The following MALRD1 variants were observed in gnomAD, a reference collection of about 807,000 sequenced individuals.
MALRD1 encodes the protein MAM and LDL receptor class A domain containing 1.
MALRD1 carries 247 observed loss-of-function variants against 242.1 expected under a neutral mutation model. The observed-to-expected ratio is 1.02, with a 90% CI of 0.92 to 1.13. The LOEUF (loss-of-function observed/expected upper bound fraction) is 1.13. MALRD1 is among the 50% of genes most tolerant of loss of function. MALRD1 has a pLI of 0.00. For synonymous variants in MALRD1, 995 were observed against 866.6 expected (o/e 1.15, Z -2.60); for missense variants, 2,989 against 2,533.1 (o/e 1.18, Z -3.86).
intron 38 of MALRD1, among the ~76,000 whole-genome samples, chr10:19,717,476 T>C (rs941107768): frequency 6.6e-6 from 1 of 152,178 alleles, no homozygotes; most frequent in African/African-American, 2.4e-5. Flanking sequence ...CCAGCAGTTT[T>C]CCCCTCCATA....
At chr10:19,631,179 G>C (rs1839881425) in intron 36 of MALRD1, among the ~76,000 whole-genome samples, 1 of 152,038 alleles carries the variant, frequency 6.6e-6, no homozygotes, top group Non-Finnish European at 1.5e-5. Flanking sequence ...AGTGTCTGTT[G>C]TTCCCCTCTA....
intron 19 of MALRD1, among the ~76,000 whole-genome samples, chr10:19,278,443 GTCCATCCATCCA>G (rs150208541): frequency 1.2e-4 from 18 of 149,170 alleles, no homozygotes; most frequent in Admixed American, 2.7e-4. Context: ...TCATTCATCT[GTCCATCCATCCA>G]TCCATCCATC....
In MALRD1 at chr10:19,582,048, T is replaced by C. The variant is rs372248066; in HGVS notation, c.5681-13146T>C. ...TTGAGAAGTGTCTGTTCATGTCCTT[T>C]GCCCACTTTTTGATGGGGTTGTTTG... On this transcript the variant is annotated intron_variant, in intron 33 of 39. Coordinates refer to ENST00000454679, the MANE Select transcript of MALRD1 (RefSeq NM_001142308.3). 3.4e-3 allele frequency among the ~76,000 whole-genome samples: 511 copies of C among 152,326 alleles called. 9 individuals are homozygous for C. In the East Asian group the frequency reaches 0.035, roughly 10 times the overall value.
At chr10:19,438,600 C>T (rs148423096) in intron 28 of MALRD1, among the ~76,000 whole-genome samples, 18 of 152,266 alleles carry the variant, frequency 1.2e-4, no homozygotes, top group Admixed American at 1.0e-3. Flanking sequence ...AGTGACTGTA[C>T]CATTCTACAT....
At chr10:19,724,444 C>G (rs541948072) in intron 38 of MALRD1, among the ~76,000 whole-genome samples, 12 of 152,316 alleles carry the variant, frequency 7.9e-5, no homozygotes, top group African/African-American at 2.9e-4. Flanking sequence ...GGACAGGCCT[C>G]TCAGCAGGAA....
intron 31 of MALRD1, among the ~76,000 whole-genome samples, chr10:19,529,015 T>G (rs1348510653): frequency 6.6e-6 from 1 of 152,116 alleles, no homozygotes; most frequent in Non-Finnish European, 1.5e-5. Flanking sequence ...GTTTGAGAGA[T>G]AACAGTGTCA....
chr10:19,136,467 T>A, intron 9 of MALRD1, 107 bp from the exon 10 acceptor site: 1 of 594,922 alleles, frequency 1.7e-6, no homozygotes, highest in Non-Finnish European at 2.5e-6. Context: ...CCTTGGTTGC[T>A]TTAAACACTT....
intron 31 of MALRD1, 110 bp downstream of exon 31, chr10:19,498,756 C>A: frequency 1.6e-6 from 2 of 1,274,654 alleles, no homozygotes; most frequent in Non-Finnish European, 2.1e-6. Flanking sequence ...GGGGACAGAG[C>A]TCAGTAGGTT....
chr10:19,286,924 A>G (rs1841154896), intron 21 of MALRD1, among the ~76,000 whole-genome samples: 1 of 150,954 alleles, frequency 6.6e-6, no homozygotes, highest in Non-Finnish European at 1.5e-5. Context: ...ATCCTCAATA[A>G]AATACTGGCA....
chr10:19,712,370 G>A (rs1307878533), intron 38 of MALRD1, among the ~76,000 whole-genome samples: 2 of 152,118 alleles, frequency 1.3e-5, no homozygotes, highest in African/African-American at 2.4e-5. Context: ...TTTTTGCAAT[G>A]TTTCCATTGT....
chr10:19,649,925 G>A (rs2131702324), intron 36 of MALRD1, among the ~76,000 whole-genome samples: 1 of 152,214 alleles, frequency 6.6e-6, no homozygotes, highest in East Asian at 1.9e-4. Flanking sequence ...AAGGTTTCCA[G>A]CTTCAATCTT....
At chr10:19,164,688 G>C (rs916810772) in intron 12 of MALRD1, among the ~76,000 whole-genome samples, 3 of 152,102 alleles carry the variant, frequency 2.0e-5, no homozygotes, top group African/African-American at 7.2e-5. Flanking sequence ...GCCTCATACA[G>C]CTCCAGGTAC....
chr10:19,281,143 A>G (rs1588842853), intron 20 of MALRD1, among the ~76,000 whole-genome samples: 1 of 152,238 alleles, frequency 6.6e-6, no homozygotes, highest in Non-Finnish European at 1.5e-5. Flanking sequence ...TATCTAATCT[A>G]GACTAAAAAA....
At chr10:19,304,015 T>C (rs528205845) in intron 21 of MALRD1, among the ~76,000 whole-genome samples, 2 of 151,838 alleles carry the variant, frequency 1.3e-5, no homozygotes, top group Non-Finnish European at 3.0e-5. Flanking sequence ...TAAGGGATAC[T>C]GGGGTAGCTG....
intron 31 of MALRD1, among the ~76,000 whole-genome samples, chr10:19,518,423 A>G (rs898999405): frequency 6.6e-6 from 1 of 152,112 alleles, no homozygotes; most frequent in Non-Finnish European, 1.5e-5. Flanking sequence ...TCTTAATTTT[A>G]TATTTTCTTT....
intron 18 of MALRD1, among the ~76,000 whole-genome samples, chr10:19,247,982 C>T (rs1839137649): frequency 1.3e-5 from 2 of 152,008 alleles, no homozygotes; most frequent in South Asian, 4.1e-4. Context: ...AAGTGACATA[C>T]AGAAACAGCT....
intron 32 of MALRD1, among the ~76,000 whole-genome samples, chr10:19,564,506 C>A (rs1278002300): frequency 6.6e-6 from 1 of 151,746 alleles, no homozygotes; most frequent in Non-Finnish European, 1.5e-5. Flanking sequence ...TATTTTATGA[C>A]AAAAGTTATG....
At chr10:19,455,646 G>A (rs766744771) in intron 29 of MALRD1, among the ~76,000 whole-genome samples, 1 of 152,136 alleles carries the variant, frequency 6.6e-6, no homozygotes. Flanking sequence ...ATATTCACTG[G>A]CCAATAAATA....
intron 35 of MALRD1, among the ~76,000 whole-genome samples, chr10:19,615,481 A>G (rs1043046133): frequency 2.8e-5 from 4 of 142,324 alleles, no homozygotes; most frequent in Non-Finnish European, 6.0e-5. Context: ...ATGCCACTCT[A>G]TTCCAAGCCT....
Sources: gnomAD v4.1 joint callset for allele counts (sites outside exome capture counted in the v4.1 genomes callset) on GRCh38, gnomAD v4.1.1 for gene constraint, MANE v1.5 for transcripts, NCBI Gene and HGNC (gene_info 2026-07-23, HGNC 2026-07-21) for gene names.